Variants in LFNG observed in about 807,000 individuals in gnomAD.
LFNG encodes the protein beta-1,3-N-acetylglucosaminyltransferase lunatic fringe.
LFNG carries 15 observed loss-of-function variants against 32.7 expected under a neutral mutation model. The observed-to-expected ratio is 0.46, with a 90% CI of 0.31 to 0.71. The LOEUF (loss-of-function observed/expected upper bound fraction) is 0.71. Ranked by LOEUF, LFNG falls within the 30% of genes least tolerant of loss-of-function variation. The pLI, the probability that LFNG is intolerant of heterozygous loss-of-function variation, is 0.06. For missense variants in LFNG, 520 were observed against 545.7 expected (o/e 0.95, Z 0.47); for synonymous variants, 274 against 246.8 (o/e 1.11, Z -1.03).
At chr7:2,525,138 T>G in intron 2 of LFNG, 81 bp from the exon 3 acceptor site, 1 of 1,254,574 alleles carries the variant, frequency 8.0e-7, no homozygotes, top group Non-Finnish European at 1.1e-6. Context: ...CTCGAGCCCC[T>G]GGGCCCTGTG....
chr7:2,518,040 C>A (rs1357331897), upstream of LFNG: 2 of 549,348 alleles, frequency 3.6e-6, no homozygotes, highest in African/African-American at 2.0e-5. Flanking sequence ...TGAAACAATT[C>A]AGATATGGGA....
chr7:2,529,035 G>A (rs60887395), downstream of LFNG: 5,006 of 433,598 alleles, frequency 0.012, 233 homozygotes, highest in African/African-American at 0.094. This position sits in a 1 kb window ranked among gnomAD's most constrained non-coding sequence, Gnocchi z 4.2. Context: ...CCCAGGCCCC[G>A]ACCCCGCTCA....
At position 2,520,489 on chromosome 7, in the gene LFNG, T is replaced by TC. The variant is rs2128375307; in HGVS notation, c.432+200dup. ...CTCTCCCGTTACAGTTGTGTTACTG[T>TC]CCCCGGGGCCCCGCCTCCTGTCCAG... On this transcript the variant is annotated intron_variant, in intron 1 of 7. Transcript: ENST00000222725. This position sits in a 1 kb window ranked among gnomAD's most constrained non-coding sequence, Gnocchi z 5.0. Among the ~76,000 whole-genome samples, 1 of 152,266 alleles carries TC rather than the reference T, an allele frequency of 6.6e-6. No individual in the cohort carries two copies. The highest frequency in any genetic ancestry group is 2.4e-5 in the African/African-American group (1 of 41,566).
chr7:2,513,624 G>T (rs1039338270), upstream of LFNG, among the ~76,000 whole-genome samples: 3 of 152,146 alleles, frequency 2.0e-5, no homozygotes, highest in Admixed American at 2.0e-4. Context: ...TAGGGTGGGG[G>T]GTCATGCCTG....
At position 2,520,410 on chromosome 7, in the gene LFNG, A is replaced by G; in HGVS notation, c.432+117A>G. On this transcript the variant is annotated intron_variant, in intron 1 of 7. Coordinates refer to ENST00000222725, the MANE Select transcript of LFNG (RefSeq NM_001040167.2). The surrounding 1 kb of genome is among the most constrained non-coding windows in gnomAD (Gnocchi z 5.0). Reference sequence around the variant, plus strand: ...GCATCCCCATCCAGCCACTAGGGCCATCTGTGGGCGACGCCAGTGCACCCC... The same window carrying G: ...GCATCCCCATCCAGCCACTAGGGCCGTCTGTGGGCGACGCCAGTGCACCCC... The G allele has an allele frequency of 1.1e-6, 1 of 944,588 alleles. No individual in the cohort carries two copies. Among genetic ancestry groups the G allele is most frequent in the South Asian group, 1.6e-5 (1 of 61,470 alleles). 58.5% of individuals were successfully genotyped at this position (944,588 alleles called of 1,614,324 possible). A position where few individuals can be genotyped will look rare whatever the true frequency, so the allele number is the denominator to read the frequency against.
At chr7:2,514,523 C>T (rs1779562186), upstream of LFNG, among the ~76,000 whole-genome samples, 1 of 151,664 alleles carries the variant, frequency 6.6e-6, no homozygotes, top group Non-Finnish European at 1.5e-5. Flanking sequence ...CCTGTCCATC[C>T]ATCCATCCAT....
chr7:2,522,751 C>G (rs1333657919), intron 1 of LFNG, among the ~76,000 whole-genome samples: 1 of 152,218 alleles, frequency 6.6e-6, no homozygotes, highest in Non-Finnish European at 1.5e-5. Flanking sequence ...CTCTGGGCCT[C>G]AGTTTCCCCA....
At chr7:2,519,555 C>T (rs574070614), upstream of LFNG, among the ~76,000 whole-genome samples, 1 of 151,080 alleles carries the variant, frequency 6.6e-6, no homozygotes, top group Non-Finnish European at 1.5e-5. Flanking sequence ...CAGGGGCTAC[C>T]CGGGGCGGGG....
At chr7:2,514,019 G>A (rs957419887), upstream of LFNG, among the ~76,000 whole-genome samples, 5 of 152,346 alleles carry the variant, frequency 3.3e-5, no homozygotes, top group East Asian at 1.9e-4. Flanking sequence ...CCCTGGACCC[G>A]TCTGTAAGAC....
chr7:2,517,857 A>T, upstream of LFNG: 1 of 1,209,694 alleles, frequency 8.3e-7, no homozygotes, highest in Non-Finnish European at 1.1e-6. Flanking sequence ...GCCAGTGGAG[A>T]GCTATGGAGG....
rs1005533662 is a variant in LFNG, at chr7:2,525,578, G to A, written c.735+11G>A. On this transcript the variant is annotated intron_variant, in intron 4 of 7. Coordinates refer to ENST00000222725, the MANE Select transcript of LFNG (RefSeq NM_001040167.2). ...AGCGAGAACAAGGTGGTGAGTGCCT[G>A]CCCCTCCCAGTCCCCCACGCCCACG... 1.2e-6 allele frequency: 2 copies of A among 1,612,132 alleles called. No individual in the cohort carries two copies. Among genetic ancestry groups the A allele is most frequent in the Admixed American group, 1.7e-5 (1 of 59,918 alleles).
chr7:2,513,558 C>A (rs1156870576), upstream of LFNG, among the ~76,000 whole-genome samples: 2 of 152,208 alleles, frequency 1.3e-5, no homozygotes, highest in African/African-American at 4.8e-5. Flanking sequence ...CGGCCTGGAG[C>A]CCCTCCTCCC....
chr7:2,521,726 A>G (rs925329382), intron 1 of LFNG, among the ~76,000 whole-genome samples: 5 of 152,214 alleles, frequency 3.3e-5, no homozygotes, highest in African/African-American at 1.2e-4. Context: ...TTTCTCCAAC[A>G]GAGGGGATGT....
chr7:2,512,891 C>T (rs1050328015), upstream of LFNG, among the ~76,000 whole-genome samples: 2 of 152,102 alleles, frequency 1.3e-5, no homozygotes, highest in African/African-American at 4.8e-5. Context: ...CAACCTCCAC[C>T]TCCACCTGCT....
rs753021502 is a variant in LFNG, at chr7:2,525,294, A to G, written c.557A>G (p.Asp186Gly). 4.3e-6 allele frequency: 7 copies of G among 1,612,966 alleles called. No homozygotes were observed. In the Admixed American group the frequency reaches 1.0e-4, roughly 23 times the overall value. ...ALSCKMAVEY[D>G]RFIESGRKWF... ...TCCTGCAAGATGGCCGTGGAGTATG[A>G]CCGCTTCATCGAGTCCGGCAGGAAG... Residue 186 changes from aspartate (D) to glycine (G), a missense_variant, in exon 3 of 8, where the codon GAC becomes GGC. Around this residue, in one of 3 missense-constraint regions of LFNG, gnomAD observed 360 missense variants for 354.7 expected, o/e 1.01. Coordinates refer to ENST00000222725, the MANE Select transcript of LFNG (RefSeq NM_001040167.2).
At chr7:2,518,027 C>G, upstream of LFNG, 1 of 653,384 alleles carries the variant, frequency 1.5e-6, no homozygotes, top group Non-Finnish European at 2.1e-6. Flanking sequence ...GAGGCTCCGT[C>G]TCTGAAACAA....
chr7:2,521,399 C>A (rs926996346), intron 1 of LFNG, among the ~76,000 whole-genome samples: 1 of 152,206 alleles, frequency 6.6e-6, no homozygotes, highest in East Asian at 1.9e-4. Flanking sequence ...CAGCGCCGGG[C>A]GGCTCTCACG....
At position 2,526,697 on chromosome 7, in the gene LFNG, G is replaced by C. The variant is rs552855977; in HGVS notation, c.988-139G>C. On this transcript the variant is annotated intron_variant, in intron 6 of 7. Transcript: ENST00000222725. This position sits in a 1 kb window ranked among gnomAD's most constrained non-coding sequence, Gnocchi z 6.9. ...CCCAGTTTGGGACCTTATTCCTGGGGTGTGCAGGGCAGGTGTCCTTCCAGG... is the reference window on the plus strand; with the variant it reads ...CCCAGTTTGGGACCTTATTCCTGGGCTGTGCAGGGCAGGTGTCCTTCCAGG... The C allele has an allele frequency of 1.5e-5, 12 of 813,874 alleles. No individual in the cohort carries two copies. Among genetic ancestry groups the C allele is most frequent in the Non-Finnish European group, 2.5e-5 (12 of 485,108 alleles). 50.4% of individuals were successfully genotyped at this position (813,874 alleles called of 1,614,324 possible). A position where few individuals can be genotyped will look rare whatever the true frequency, so the allele number is the denominator to read the frequency against.
chr7:2,526,209 C>T lies in LFNG; in HGVS notation c.822-35C>T. The T allele has an allele frequency of 6.2e-7, 1 of 1,610,444 alleles. No homozygotes were observed. The highest frequency in any genetic ancestry group is 1.7e-4 in the Middle Eastern group (1 of 6,060). On this transcript the variant is annotated intron_variant, in intron 5 of 7. Coordinates refer to ENST00000222725, the MANE Select transcript of LFNG (RefSeq NM_001040167.2). This position sits in a 1 kb window ranked among gnomAD's most constrained non-coding sequence, Gnocchi z 6.9. ...CCAGCTCCCAGCAGATGGCTCCCGC[C>T]TCTGCTCACTGGTCTGGGCCCTTCC... is the stretch of plus-strand genomic sequence containing the variant.
Sources: gnomAD v4.1 joint callset for allele counts (sites outside exome capture counted in the v4.1 genomes callset) on GRCh38, gnomAD v4.1.1 for gene constraint, gnomAD v4.1.1 regional missense constraint, Gnocchi (gnomAD v3.1) non-coding constraint, MANE v1.5 for transcripts, NCBI Gene and HGNC (gene_info 2026-07-23, HGNC 2026-07-21) for gene names.